TAFA5: variants seen among roughly 807,000 people sequenced by gnomAD.
The protein encoded by TAFA5 is chemokine-like protein TAFA-5.
A neutral mutation model predicts 15.3 loss-of-function variants in TAFA5; 6 were observed. The ratio of observed to expected loss-of-function variants is 0.39; its 90% CI spans 0.21 to 0.77. The LOEUF (loss-of-function observed/expected upper bound fraction) is 0.77, where lower values mean the gene tolerates loss of function less well. TAFA5 is among the 30% of genes least tolerant of loss of function. The pLI is 0.41. For synonymous variants in TAFA5, 103 were observed against 80.7 expected (o/e 1.28, Z -1.48); for missense variants, 161 against 193.1 (o/e 0.83, Z 0.98).
intron 1 of TAFA5, among the ~76,000 whole-genome samples, chr22:48,615,404 G>A (rs1330635661): frequency 6.6e-6 from 1 of 152,218 alleles, no homozygotes; most frequent in Non-Finnish European, 1.5e-5. Context: ...GCAGTGGGGA[G>A]GTTGTGGCAG....
At position 48,490,824 on chromosome 22, in the gene TAFA5, C is replaced by T. The variant is rs1450953614; in HGVS notation, c.112+1120C>T. On this transcript the variant is annotated intron_variant, in intron 1 of 3. Transcript: ENST00000402357. This position sits in a 1 kb window ranked among gnomAD's most constrained non-coding sequence, Gnocchi z 5.8. ...AGCACCGAACCTCCCTCCACAGACA[C>T]CACCTCCTCCAGAGCCCCGGGCCTC... Among the ~76,000 whole-genome samples, 1 of 111,040 alleles carries T rather than the reference C, an allele frequency of 9.0e-6. No homozygotes were observed. Among genetic ancestry groups the T allele is most frequent in the African/African-American group, 5.0e-5 (1 of 20,076 alleles). 72.8% of individuals were successfully genotyped at this position (111,040 alleles called of 152,430 possible).
chr22:48,657,788 G>A (rs1465875586), intron 2 of TAFA5, among the ~76,000 whole-genome samples: 4 of 152,166 alleles, frequency 2.6e-5, no homozygotes, highest in African/African-American at 9.7e-5. Context: ...ATGCCTGGTT[G>A]AAGCAGGTTT....
intron 1 of TAFA5, among the ~76,000 whole-genome samples, chr22:48,645,102 G>C (rs1428618976): frequency 6.6e-6 from 1 of 152,276 alleles, no homozygotes; most frequent in Admixed American, 6.5e-5. Flanking sequence ...AGATGAAGGA[G>C]TGAGGCAGCG....
chr22:48,653,014 C>G (rs1299078864), intron 2 of TAFA5, among the ~76,000 whole-genome samples: 1 of 152,250 alleles, frequency 6.6e-6, no homozygotes, highest in Non-Finnish European at 1.5e-5. Context: ...TGGTGTGGCC[C>G]TCTGCTTGGC....
intron 3 of TAFA5, among the ~76,000 whole-genome samples, chr22:48,709,347 A>G (rs1929180309): frequency 6.6e-6 from 1 of 152,166 alleles, no homozygotes; most frequent in Non-Finnish European, 1.5e-5. Flanking sequence ...ACAGTGCTCT[A>G]CCATGTCCTT....
In TAFA5 at chr22:48,566,134, G is replaced by T. The variant is rs1448407539; in HGVS notation, c.112+76430G>T. 1.3e-5 allele frequency among the ~76,000 whole-genome samples: 2 copies of T among 151,726 alleles called. No individual in the cohort carries two copies. Among genetic ancestry groups the T allele is most frequent in the African/African-American group, 4.8e-5 (2 of 41,278 alleles). Reference sequence around the variant, plus strand: ...GATAGATGATGGATGGATGGATGATGAATGGATGATGGGTGGACAATGAAT... The same window carrying T: ...GATAGATGATGGATGGATGGATGATTAATGGATGATGGGTGGACAATGAAT... On this transcript the variant is annotated intron_variant, in intron 1 of 3. Coordinates refer to ENST00000402357, the MANE Select transcript of TAFA5 (RefSeq NM_001082967.3). This position sits in a 1 kb window ranked among gnomAD's most constrained non-coding sequence, Gnocchi z 4.5.
intron 2 of TAFA5, among the ~76,000 whole-genome samples, chr22:48,649,655 G>C (rs893204695): frequency 9.9e-5 from 15 of 152,074 alleles, no homozygotes; most frequent in Admixed American, 3.9e-4. Flanking sequence ...TTCTTCCCAG[G>C]GAAGGGGACT....
chr22:48,742,699 C>T lies in TAFA5; in HGVS notation c.391-7140C>T, dbSNP rs867482209. 3.3e-5 allele frequency among the ~76,000 whole-genome samples: 5 copies of T among 152,070 alleles called. No individual in the cohort carries two copies. Among genetic ancestry groups the T allele is most frequent in the Middle Eastern group, 3.4e-3 (1 of 292 alleles). On this transcript the variant is annotated intron_variant, in intron 3 of 3. Transcript: ENST00000402357. This position sits in a 1 kb window ranked among gnomAD's most constrained non-coding sequence, Gnocchi z 6.2. Reference sequence around the variant, plus strand: ...CCGGGCAGTGTGATGGACCAGGCGACGTGGTGGGCCGGGTGGTGTGGTGAA... The same window carrying T: ...CCGGGCAGTGTGATGGACCAGGCGATGTGGTGGGCCGGGTGGTGTGGTGAA...
At chr22:48,592,779 G>A (rs1177449763) in intron 1 of TAFA5, among the ~76,000 whole-genome samples, 1 of 152,170 alleles carries the variant, frequency 6.6e-6, no homozygotes, top group Non-Finnish European at 1.5e-5. Context: ...CCGAGAAACC[G>A]AGCAGAAACA....
intron 2 of TAFA5, among the ~76,000 whole-genome samples, chr22:48,677,216 ATT>A (rs1928003408): frequency 6.6e-6 from 1 of 152,216 alleles, no homozygotes; most frequent in South Asian, 2.1e-4. Flanking sequence ...GGCTGAAACA[ATT>A]TTATTTTCCT....
intron 2 of TAFA5, among the ~76,000 whole-genome samples, chr22:48,687,602 T>C (rs1301427415): frequency 6.6e-6 from 1 of 152,150 alleles, no homozygotes; most frequent in Non-Finnish European, 1.5e-5. Context: ...CGTGTTAATT[T>C]TGCCATGGCG....
rs1923423222 is a variant in TAFA5, at chr22:48,566,820, C to T, written c.112+77116C>T. 6.6e-6 allele frequency among the ~76,000 whole-genome samples: 1 copy of T among 152,226 alleles called. No homozygotes were observed. Among genetic ancestry groups the T allele is most frequent in the African/African-American group, 2.4e-5 (1 of 41,458 alleles). On this transcript the variant is annotated intron_variant, in intron 1 of 3. Transcript: ENST00000402357. This position sits in a 1 kb window ranked among gnomAD's most constrained non-coding sequence, Gnocchi z 4.5. ...TCCTCCTTGGAAGCATTTTTCAAAG[C>T]CCTGGGTCCATGCAGCCCTTGTGGT...
At chr22:48,697,345 G>A (rs1194566847) in intron 2 of TAFA5, among the ~76,000 whole-genome samples, 1 of 125,604 alleles carries the variant, frequency 8.0e-6, no homozygotes, top group East Asian at 2.2e-4. Context: ...CAGTGGTGAT[G>A]ATGATGATGA....
At chr22:48,628,242 C>T (rs1015942644) in intron 1 of TAFA5, among the ~76,000 whole-genome samples, 1 of 152,182 alleles carries the variant, frequency 6.6e-6, no homozygotes, top group Admixed American at 6.5e-5. Context: ...AGGCCAGGCG[C>T]GTGGGGACAT....
In TAFA5 at chr22:48,675,194, G is replaced by A. The variant is rs530488964; in HGVS notation, c.262+28448G>A. ...TGACGTCAGGTGATCCACCCACCTC[G>A]GCCTCCGAAGCTCTGTGGCCTTTTA... On this transcript the variant is annotated intron_variant, in intron 2 of 3. Transcript: ENST00000402357. Among the ~76,000 whole-genome samples the A allele has an allele frequency of 1.1e-3, 166 of 152,264 alleles. 1 individual carries two copies. Among genetic ancestry groups the A allele is most frequent in the Non-Finnish European group, 1.7e-3 (119 of 68,008 alleles).
rs983134154 is a variant in TAFA5, at chr22:48,509,418, A to C, written c.112+19714A>C. Among the ~76,000 whole-genome samples the C allele has an allele frequency of 3.3e-5, 5 of 152,074 alleles. No individual in the cohort carries two copies. The South Asian group carries it at 1.0e-3, about 32-fold the overall frequency. On this transcript the variant is annotated intron_variant, in intron 1 of 3. Transcript: ENST00000402357. ...GTCCACAACGGCTGTACTGATTTAC[A>C]TTCCCACCGATAGTGTATACGGCTT...
chr22:48,666,545 ACCCGTGACCAGTCAGTACGGAGG>A (rs1328374551), intron 2 of TAFA5, among the ~76,000 whole-genome samples: 1 of 53,730 alleles, frequency 1.9e-5, no homozygotes, highest in Non-Finnish European at 3.9e-5. Context: ...CAATACTGAG[ACCCGTGACCAGTCAGTACGGAGG>A]CCCGTGACCT....
At chr22:48,576,267 G>C in intron 1 of TAFA5, 3 of 662,988 alleles carry the variant, frequency 4.5e-6, no homozygotes, top group Non-Finnish European at 6.2e-6. Flanking sequence ...CCTCCGCGGC[G>C]CCCCCCTCCC....
intron 1 of TAFA5, chr22:48,576,243 G>GCCC: frequency 1.3e-5 from 5 of 370,914 alleles, no homozygotes; most frequent in Non-Finnish European, 2.1e-5. Flanking sequence ...TAACCTCCCC[G>GCCC]CCCCCGCCCG....
Sources: gnomAD v4.1 joint callset for allele counts (sites outside exome capture counted in the v4.1 genomes callset) on GRCh38, gnomAD v4.1.1 for gene constraint, Gnocchi (gnomAD v3.1) non-coding constraint, MANE v1.5 for transcripts, NCBI Gene and HGNC (gene_info 2026-07-23, HGNC 2026-07-21) for gene names.